The following ADPRHL1 variants were observed in gnomAD, a reference collection of about 807,000 sequenced individuals.
The protein encoded by ADPRHL1 is inactive ADP-ribosyltransferase ARH2.
Under a neutral mutation model 44.1 loss-of-function variants are expected in ADPRHL1, and 43 were observed. That is an observed-to-expected ratio of 0.98 (90% CI 0.76 to 1.26). ADPRHL1 has a LOEUF of 1.26. ADPRHL1 is among the 50% of genes most tolerant of loss of function. The pLI is 0.00. For missense variants in ADPRHL1, 2,022 were observed against 2,496.9 expected (o/e 0.81, Z 4.05); for synonymous variants, 878 against 1,017.4 (o/e 0.86, Z 2.61).
At position 113,407,484 on chromosome 13, in the gene ADPRHL1, T is replaced by C; in HGVS notation, c.1798A>G (p.Ser600Gly). ...GCAGGGGGCATCTTGACGCAGGTGCTGGCCATGGTGGCCGTGTGCAGCACG... is the reference window on the plus strand; with the variant it reads ...GCAGGGGGCATCTTGACGCAGGTGCCGGCCATGGTGGCCGTGTGCAGCACG... ...VRVLHTATMA[S>G]TCVKMPPARF... Residue 600 changes from serine (S) to glycine (G), a missense_variant, in exon 8 of 8, where the codon AGC becomes GGC. By Grantham distance (56) the Ser-to-Gly change is moderately conservative. This residue lies in a region of ADPRHL1 where 1,221 missense variants were observed against 1,517.8 expected (regional missense o/e 0.80). Transcript: ENST00000612156. The C allele has an allele frequency of 8.1e-7, 1 of 1,232,084 alleles. No homozygotes were observed. Among genetic ancestry groups the C allele is most frequent in the Non-Finnish European group, 1.0e-6 (1 of 988,026 alleles). The allele number at this position is 1,232,084 out of a possible 1,614,324, so 76.3% of individuals were successfully genotyped here. A position where few individuals can be genotyped will look rare whatever the true frequency, so the allele number is the denominator to read the frequency against.
Position 113,404,730 on chromosome 13 carries a change from C to T in ADPRHL1, c.4552G>A (p.Gly1518Arg). 1.1e-5 allele frequency: 14 copies of T among 1,271,882 alleles called. No individual in the cohort carries two copies. The highest frequency in any genetic ancestry group is 1.4e-5 in the Non-Finnish European group (14 of 1,014,550). The allele number at this position is 1,271,882 out of a possible 1,614,324, so 78.8% of individuals were successfully genotyped here. A position where few individuals can be genotyped will look rare whatever the true frequency, so the allele number is the denominator to read the frequency against. The change falls in exon 8 of 8, where the codon GGG (glycine) becomes AGG (arginine). Residue 1518 changes from glycine (G) to arginine (R), a missense_variant. By Grantham distance (125) the Gly-to-Arg change is moderately radical. Around this residue, in one of 8 missense-constraint regions of ADPRHL1, gnomAD observed 1,221 missense variants for 1,517.8 expected, o/e 0.80. Transcript: ENST00000612156. Reference sequence around the variant, plus strand: ...CCCTGAGCCTGTTCCTGTGCCTGCCCCTGGGCCTCTATCTGGGTCTGCCAC... The same window carrying T: ...CCCTGAGCCTGTTCCTGTGCCTGCCTCTGGGCCTCTATCTGGGTCTGCCAC... ...AQWQTQIEAQ[G>R]QAQEQAQGGT...
chr13:113,411,566 C>T (rs2043852345), intron 7 of ADPRHL1, among the ~76,000 whole-genome samples: 1 of 152,246 alleles, frequency 6.6e-6, no homozygotes, highest in African/African-American at 2.4e-5. Context: ...CGGTCCAGCT[C>T]TTCAGCTGTC....
intron 1 of ADPRHL1, among the ~76,000 whole-genome samples, 174 bp from the exon 2 acceptor site, chr13:113,444,763 C>T (rs1012338361): frequency 1.3e-5 from 2 of 152,190 alleles, no homozygotes; most frequent in African/African-American, 4.8e-5. Flanking sequence ...GCTGGGACTA[C>T]AGGTGCCCAC....
chr13:113,413,066 T>C (rs2043867541), intron 7 of ADPRHL1, among the ~76,000 whole-genome samples: 1 of 128,888 alleles, frequency 7.8e-6, no homozygotes, highest in Non-Finnish European at 1.6e-5. Flanking sequence ...CCCGCAGAGC[T>C]CGGTTCACCC....
chr13:113,429,080 G>A lies in ADPRHL1; in HGVS notation c.518C>T (p.Ser173Phe). ...CGACACAAACAGGGCCGTGCACAGGGAGCCCAGGAAGCCTGGAGGGCAGGG... is the reference window on the plus strand; with the variant it reads ...CGACACAAACAGGGCCGTGCACAGGAAGCCCAGGAAGCCTGGAGGGCAGGG... Reference protein sequence around the residue: ...THNHPTGFLGSLCTALFVSFA... With the variant: ...THNHPTGFLGFLCTALFVSFA... The change falls in exon 4 of 8, where the codon TCC becomes TTC. Residue 173 changes from serine (S) to phenylalanine (F), a missense_variant. Around this residue, in one of 8 missense-constraint regions of ADPRHL1, gnomAD observed 437 missense variants for 430.7 expected, o/e 1.01. Coordinates refer to ENST00000612156, the MANE Select transcript of ADPRHL1 (RefSeq NM_001394807.1). The A allele has an allele frequency of 6.2e-7, 1 of 1,610,568 alleles. No individual in the cohort carries two copies. The highest frequency in any genetic ancestry group is 8.5e-7 in the Non-Finnish European group (1 of 1,179,202).
Position 113,425,301 on chromosome 13 carries a change from T to C in ADPRHL1, c.647-122A>G, listed in dbSNP as rs1292175388. On this transcript the variant is annotated intron_variant, in intron 4 of 7. Coordinates refer to ENST00000612156, the MANE Select transcript of ADPRHL1 (RefSeq NM_001394807.1). Reference sequence around the variant, plus strand: ...GGCGGGGAAGTGGCAATGCCCCCTCTACCCAGCTGCAGGCATGTGGAGAAG... The same window carrying C: ...GGCGGGGAAGTGGCAATGCCCCCTCCACCCAGCTGCAGGCATGTGGAGAAG... 1.2e-5 allele frequency: 12 copies of C among 979,258 alleles called. No individual in the cohort carries two copies. The East Asian group carries it at 2.9e-4, about 24-fold the overall frequency. The allele number at this position is 979,258 out of a possible 1,614,324, so 60.7% of individuals were successfully genotyped here. A position where few individuals can be genotyped will look rare whatever the true frequency, so the allele number is the denominator to read the frequency against.
chr13:113,436,968 C>T (rs2044063749), intron 2 of ADPRHL1, among the ~76,000 whole-genome samples: 1 of 146,560 alleles, frequency 6.8e-6, no homozygotes, highest in Non-Finnish European at 1.5e-5. Context: ...GTAGAGTGAA[C>T]ATAGGTATAC....
Position 113,407,047 on chromosome 13 carries a change from G to A in ADPRHL1, c.2235C>T (p.Asp745=), listed in dbSNP as rs1273477066. 7.3e-6 allele frequency: 9 copies of A among 1,232,124 alleles called. No individual in the cohort carries two copies. Among genetic ancestry groups the A allele is most frequent in the Non-Finnish European group, 9.1e-6 (9 of 988,076 alleles). 76.3% of individuals were successfully genotyped at this position (1,232,124 alleles called of 1,614,324 possible). A position where few individuals can be genotyped will look rare whatever the true frequency, so the allele number is the denominator to read the frequency against. The stretch of plus-strand genomic sequence containing the variant: ...CTCCTGCGGTGCTCTCTGCGGTGGG[G>A]TCTGCAGTCCCATCACCTCCGGCTG... ...TGSAGGDGTA[D]PTAESTAGGV... Residue 745 remains aspartate, a synonymous_variant, in exon 8 of 8, where the codon GAC becomes GAT. Transcript: ENST00000612156.
chr13:113,418,844 G>T (rs2043899221), intron 7 of ADPRHL1, among the ~76,000 whole-genome samples: 1 of 152,142 alleles, frequency 6.6e-6, no homozygotes, highest in Admixed American at 6.5e-5. Context: ...CCTCCTGCCT[G>T]CCCCTTCCTG....
chr13:113,418,124 G>C (rs1413794043), intron 7 of ADPRHL1, among the ~76,000 whole-genome samples: 3 of 152,116 alleles, frequency 2.0e-5, no homozygotes, highest in East Asian at 3.8e-4. Context: ...CGGATGCGTC[G>C]GGTTTAAAAG....
rs998063329 is a variant in ADPRHL1, at chr13:113,441,968, G to A, written c.379+2457C>T. 2.1e-4 allele frequency among the ~76,000 whole-genome samples: 32 copies of A among 152,348 alleles called. No homozygotes were observed. The highest frequency in any genetic ancestry group is 3.4e-3 in the Middle Eastern group (1 of 292). On this transcript the variant is annotated intron_variant, in intron 2 of 7. Transcript: ENST00000612156. The surrounding 1 kb of genome is among the most constrained non-coding windows in gnomAD (Gnocchi z 6.0). ...GTCACGTTGTGTCCCGCCACGCGGC[G>A]TCCGCGTCTCTATCACGCTGTGTCC... is the stretch of plus-strand genomic sequence containing the variant.
At chr13:113,438,399 A>T (rs917773117) in intron 2 of ADPRHL1, among the ~76,000 whole-genome samples, 6 of 152,124 alleles carry the variant, frequency 3.9e-5, no homozygotes, top group Non-Finnish European at 7.3e-5. Flanking sequence ...TTATTCTTTT[A>T]AAAAAATTTT....
At position 113,407,183 on chromosome 13, in the gene ADPRHL1, T is replaced by C; in HGVS notation, c.2099A>G (p.His700Arg). The C allele has an allele frequency of 8.1e-7, 1 of 1,232,206 alleles. No individual in the cohort carries two copies. Among genetic ancestry groups the C allele is most frequent in the Admixed American group, 4.2e-5 (1 of 23,726 alleles). The allele number at this position is 1,232,206 out of a possible 1,614,324, so 76.3% of individuals were successfully genotyped here. ...AGAGAAGGCCAGCGAGGGGACAGCG[T>C]GGCCGTCCCTCTGAGCCATCACCTG... Reference protein sequence around the residue: ...TPQVMAQRDGHAVPSLAFSCA... With the variant: ...TPQVMAQRDGRAVPSLAFSCA... The change falls in exon 8 of 8, where the codon CAC becomes CGC. Residue 700 changes from histidine to arginine, a missense_variant. Transcript: ENST00000612156.
At chr13:113,415,428 C>G (rs2043882174) in intron 7 of ADPRHL1, among the ~76,000 whole-genome samples, 1 of 152,274 alleles carries the variant, frequency 6.6e-6, no homozygotes, top group East Asian at 1.9e-4. Flanking sequence ...CGGCTCCAGG[C>G]GACCAGGCAG....
At chr13:113,435,306 C>T (rs1208455036) in intron 2 of ADPRHL1, among the ~76,000 whole-genome samples, 1 of 106,928 alleles carries the variant, frequency 9.4e-6, no homozygotes, top group African/African-American at 3.9e-5. Context: ...TACCCTGTGA[C>T]CCAGCACCCA....
Position 113,441,773 on chromosome 13 carries a change from G to A in ADPRHL1, c.379+2652C>T, listed in dbSNP as rs769178758. On this transcript the variant is annotated intron_variant, in intron 2 of 7. Coordinates refer to ENST00000612156, the MANE Select transcript of ADPRHL1 (RefSeq NM_001394807.1). The surrounding 1 kb of genome is among the most constrained non-coding windows in gnomAD (Gnocchi z 6.0). ...CCGTGTCTCTATCATGCTCCGCCCC[G>A]CCGTGTGGGTCTGTGTCTCTATCAC... 9.3e-4 allele frequency among the ~76,000 whole-genome samples: 141 copies of A among 151,704 alleles called. No individual in the cohort carries two copies. The highest frequency in any genetic ancestry group is 2.8e-3 in the African/African-American group (114 of 41,326).
intron 4 of ADPRHL1, among the ~76,000 whole-genome samples, chr13:113,427,683 G>A (rs2043977008): frequency 6.6e-6 from 1 of 152,232 alleles, no homozygotes; most frequent in Non-Finnish European, 1.5e-5. Context: ...TGGAAACAAA[G>A]TGTGCTGTGG....
chr13:113,409,837 C>A lies in ADPRHL1; in HGVS notation c.1062-1617G>T. The A allele has an allele frequency of 1.2e-6, 1 of 823,534 alleles. No homozygotes were observed. Among genetic ancestry groups the A allele is most frequent in the Non-Finnish European group, 1.5e-6 (1 of 686,822 alleles). The allele number at this position is 823,534 out of a possible 1,614,324, so 51.0% of individuals were successfully genotyped here. On this transcript the variant is annotated intron_variant, in intron 7 of 7. Transcript: ENST00000612156. The surrounding 1 kb of genome is among the most constrained non-coding windows in gnomAD (Gnocchi z 4.2). ...CCAGGAGGCAGAGCTTGCAGTGAGC[C>A]GAGATCGCACCACTGCACTCCAGCC...
chr13:113,433,554 C>T (rs897896198), intron 3 of ADPRHL1, among the ~76,000 whole-genome samples, 188 bp downstream of exon 3: 43 of 152,214 alleles, frequency 2.8e-4, no homozygotes, highest in Non-Finnish European at 7.3e-5. Flanking sequence ...CCCAGTGTCC[C>T]GGGCAGGGCG....
Sources: allele counts gnomAD v4.1 joint callset (sites outside exome capture counted in the v4.1 genomes callset), GRCh38; gene constraint gnomAD v4.1.1; regional missense constraint gnomAD v4.1.1; non-coding constraint Gnocchi (gnomAD v3.1); transcripts MANE v1.5; gene names NCBI Gene and HGNC (gene_info 2026-07-23, HGNC 2026-07-21).